Variants in PDHX observed in about 807,000 individuals in gnomAD.
PDHX encodes pyruvate dehydrogenase protein X component, mitochondrial.
Under a neutral mutation model 55.3 loss-of-function variants are expected in PDHX, and 33 were observed. That is an observed-to-expected ratio of 0.60 (90% confidence interval 0.45 to 0.80). PDHX has a LOEUF of 0.80. PDHX is among the 30% of genes least tolerant of loss of function. The probability of loss-of-function intolerance (pLI) is 0.00; values close to 1 mark genes in which losing one functional copy is unlikely to be tolerated. For synonymous variants in PDHX, 226 were observed against 219.4 expected (o/e 1.03, Z -0.27); for missense variants, 622 against 619.9 (o/e 1.00, Z -0.04).
intron 9 of PDHX, among the ~76,000 whole-genome samples, chr11:34,988,721 C>T (rs1855701983): frequency 6.6e-6 from 1 of 152,148 alleles, no homozygotes; most frequent in Non-Finnish European, 1.5e-5. Context: ...GTCTGTAAGA[C>T]CAATCTTTTG....
intron 1 of PDHX, among the ~76,000 whole-genome samples, chr11:34,927,399 T>A (rs1393511398): frequency 1.3e-5 from 2 of 152,086 alleles, no homozygotes. Context: ...ATGTACAGCT[T>A]ACTGGAATAA....
intron 9 of PDHX, among the ~76,000 whole-genome samples, chr11:34,986,823 A>G (rs564597744): frequency 2.0e-5 from 3 of 152,236 alleles, no homozygotes; most frequent in South Asian, 2.1e-4. Flanking sequence ...GTAACCCCCA[A>G]CAGGGACTCA....
In PDHX at chr11:34,994,929, G is replaced by A. The variant is rs373894917; in HGVS notation, c.1263G>A (p.Gly421=). 3.1e-6 allele frequency: 5 copies of A among 1,613,762 alleles called. No individual in the cohort carries two copies. In the African/African-American group the frequency reaches 6.7e-5, roughly 22 times the overall value. The change falls in exon 11 of 11, where the codon GGG becomes GGA. Residue 421 remains glycine (G), a synonymous_variant. Coordinates refer to ENST00000227868, the MANE Select transcript of PDHX (RefSeq NM_003477.3). ...TTCCCCCTAGTATTTCCAACTTGGG[G>A]ATGTTTGGCATCGACGAATTTACTG... The part of the protein sequence containing the change: ...QGGSFSISNL[G]MFGIDEFTAV...
chr11:34,946,577 A>G (rs567854960), intron 2 of PDHX, among the ~76,000 whole-genome samples: 6 of 152,236 alleles, frequency 3.9e-5, no homozygotes, highest in Non-Finnish European at 5.9e-5. Context: ...GAATTTTGCA[A>G]TTGATATTGG....
Position 34,984,627 on chromosome 11 carries a change from A to G in PDHX, c.1081A>G (p.Ile361Val). The change falls in exon 9 of 11, where the codon ATT becomes GTT. Residue 361 changes from isoleucine (I) to valine (V), a missense_variant. By Grantham distance (29) the Ile-to-Val change is conservative. Transcript: ENST00000227868. Reference protein sequence around the residue: ...DGEGPKQLPFIDISVAVATDK... With the variant: ...DGEGPKQLPFVDISVAVATDK... ...AGAGGGCCCAAAGCAACTGCCATTT[A>G]TTGACATTTCAGTGGCTGTGGCAAC... 23 of 1,613,992 alleles carry G rather than the reference A, an allele frequency of 1.4e-5. No homozygotes were observed. Among genetic ancestry groups the G allele is most frequent in the Non-Finnish European group, 1.9e-5 (22 of 1,179,866 alleles).
At chr11:34,943,891 A>G (rs367953946) in intron 2 of PDHX, among the ~76,000 whole-genome samples, 2 of 152,000 alleles carry the variant, frequency 1.3e-5, no homozygotes, top group South Asian at 2.1e-4. Flanking sequence ...CCTCCTGAAC[A>G]TTCCCAAAGC....
At chr11:34,968,505 A>G (rs909222542) in intron 6 of PDHX, among the ~76,000 whole-genome samples, 49 of 152,310 alleles carry the variant, frequency 3.2e-4, no homozygotes, top group African/African-American at 1.1e-3. Flanking sequence ...TATAATTTAA[A>G]ATCTGTCATG....
chr11:34,992,376 T>C lies in PDHX; in HGVS notation c.1244T>C (p.Phe415Ser). 6.4e-7 allele frequency: 1 copy of C among 1,556,560 alleles called. No individual in the cohort carries two copies. Among genetic ancestry groups the C allele is most frequent in the Non-Finnish European group, 8.9e-7 (1 of 1,128,496 alleles). ...CCTGAAGAATACCAAGGAGGATCTT[T>C]TAGGTAAAATTTAAACTCTTAATTA... is the stretch of plus-strand genomic sequence containing the variant. The part of the protein sequence containing the change: ...LLPEEYQGGS[F>S]SISNLGMFGI... The change falls in exon 10 of 11, where the codon TTT becomes TCT. Residue 415 changes from phenylalanine (F) to serine (S), a missense_variant. Coordinates refer to ENST00000227868, the MANE Select transcript of PDHX (RefSeq NM_003477.3).
chr11:34,957,239 T>TG (rs1854922363), intron 3 of PDHX, 145 bp from the exon 4 acceptor site: 2 of 667,950 alleles, frequency 3.0e-6, no homozygotes, highest in East Asian at 5.4e-5. Flanking sequence ...AGGTGACAGG[T>TG]GGAAGGCAGA....
At chr11:34,980,348 G>GTTTTTTTT (rs1319243948) in intron 8 of PDHX, among the ~76,000 whole-genome samples, 2 of 30,486 alleles carry the variant, frequency 6.6e-5, no homozygotes, top group African/African-American at 2.4e-4. Context: ...GTTTAAGATA[G>GTTTTTTTT]TTTCTTTTTT....
At chr11:34,994,216 G>A (rs941349287) in intron 10 of PDHX, among the ~76,000 whole-genome samples, 2 of 152,158 alleles carry the variant, frequency 1.3e-5, no homozygotes, top group African/African-American at 2.4e-5. Context: ...GTATGATATA[G>A]CCAGTTGCTC....
chr11:34,980,352 C>CTTTTTTTTTTT (rs57927359), intron 8 of PDHX, among the ~76,000 whole-genome samples: 2,499 of 74,350 alleles, frequency 0.034, 647 homozygotes, highest in African/African-American at 0.069. Flanking sequence ...AAGATAGTTT[C>CTTTTTTTTTTT]TTTTTTTTTT....
chr11:34,980,489 T>C (rs531432168), intron 8 of PDHX, among the ~76,000 whole-genome samples: 11 of 151,932 alleles, frequency 7.2e-5, no homozygotes, highest in Non-Finnish European at 1.6e-4. Flanking sequence ...GTCCCATAAG[T>C]CTTCTTTACA....
chr11:34,931,552 T>C (rs1854171626), intron 2 of PDHX, 68 bp downstream of exon 2: 1 of 839,458 alleles, frequency 1.2e-6, no homozygotes, highest in African/African-American at 1.7e-5. Flanking sequence ...TTTTTTTTTT[T>C]CCTAATCTGT....
chr11:34,939,303 A>G (rs771980144), intron 2 of PDHX, among the ~76,000 whole-genome samples: 2 of 152,186 alleles, frequency 1.3e-5, no homozygotes, highest in Non-Finnish European at 2.9e-5. Context: ...GAAAATTGAT[A>G]TTTTTCATGA....
intron 7 of PDHX, among the ~76,000 whole-genome samples, chr11:34,977,252 A>G (rs2133990205): frequency 6.6e-6 from 1 of 152,280 alleles, no homozygotes; most frequent in Middle Eastern, 3.4e-3. Context: ...GACTAGATCT[A>G]GATCTTAGAG....
At chr11:34,978,039 C>G (rs1213946879) in intron 7 of PDHX, 85 bp from the exon 8 acceptor site, 27 of 777,420 alleles carry the variant, frequency 3.5e-5, no homozygotes, top group Admixed American at 5.8e-5. Context: ...CAGTACATTC[C>G]ATAATTTACA....
intron 3 of PDHX, among the ~76,000 whole-genome samples, chr11:34,950,591 G>T: frequency 7.1e-6 from 1 of 140,736 alleles, no homozygotes; most frequent in African/African-American, 2.6e-5. Context: ...TGTTCTCATT[G>T]TTCAATTCCC....
intron 1 of PDHX, among the ~76,000 whole-genome samples, chr11:34,926,919 C>T (rs1303750571): frequency 6.6e-6 from 1 of 151,942 alleles, no homozygotes; most frequent in East Asian, 1.9e-4. Context: ...CTGTAAAATT[C>T]AGTGATTGGT....
Sources: allele counts gnomAD v4.1 joint callset (sites outside exome capture counted in the v4.1 genomes callset), GRCh38; gene constraint gnomAD v4.1.1; transcripts MANE v1.5; gene names NCBI Gene and HGNC (gene_info 2026-07-23, HGNC 2026-07-21).